The following PCDH9 variants were observed in gnomAD, a reference collection of about 807,000 sequenced individuals.
PCDH9 encodes protocadherin-9.
A neutral mutation model predicts 70.6 loss-of-function variants in PCDH9; 24 were observed. The observed-to-expected ratio is 0.34, with a 90% CI of 0.25 to 0.48. PCDH9 has a LOEUF of 0.48. Among genes scored for constraint, PCDH9 ranks in the 20% least tolerant of loss-of-function variants. The probability of loss-of-function intolerance (pLI) is 0.99; values close to 1 mark genes in which losing one functional copy is unlikely to be tolerated. For synonymous variants in PCDH9, 562 were observed against 558.5 expected (o/e 1.01, Z -0.09); for missense variants, 1,281 against 1,503.6 (o/e 0.85, Z 2.45).
At chr13:67,066,821 A>G (rs2085657823) in intron 2 of PCDH9, among the ~76,000 whole-genome samples, 1 of 152,184 alleles carries the variant, frequency 6.6e-6, no homozygotes, top group Non-Finnish European at 1.5e-5. Flanking sequence ...TTCCTGTATA[A>G]CCAATTCCAG....
intron 4 of PCDH9, among the ~76,000 whole-genome samples, chr13:66,448,612 A>G (rs189526008): frequency 2.0e-4 from 30 of 152,310 alleles, no homozygotes; most frequent in African/African-American, 5.1e-4. Context: ...CAGTTTTGAT[A>G]ATACCACATC....
intron 2 of PCDH9, among the ~76,000 whole-genome samples, chr13:66,994,210 G>A (rs1382159511): frequency 2.6e-5 from 4 of 152,148 alleles, no homozygotes; most frequent in Admixed American, 2.6e-4. Flanking sequence ...GTAACTCCAA[G>A]AGAGAGTGAT....
At chr13:67,035,204 A>T (rs1412291262) in intron 2 of PCDH9, among the ~76,000 whole-genome samples, 1 of 152,162 alleles carries the variant, frequency 6.6e-6, no homozygotes, top group Admixed American at 6.5e-5. Flanking sequence ...AGGCAAGTAA[A>T]TACTGTCCAA....
intron 4 of PCDH9, among the ~76,000 whole-genome samples, chr13:66,592,024 C>T (rs1375008328): frequency 6.6e-6 from 1 of 151,622 alleles, no homozygotes; most frequent in African/African-American, 2.4e-5. Context: ...ATGAATTCTA[C>T]ATCACCCAGA....
At chr13:66,577,013 T>G (rs531550670) in intron 4 of PCDH9, among the ~76,000 whole-genome samples, 1 of 152,096 alleles carries the variant, frequency 6.6e-6, no homozygotes, top group South Asian at 2.1e-4. Flanking sequence ...TATAACTGCT[T>G]GAATAAAAAC....
At chr13:66,623,021 A>C (rs541372711) in intron 4 of PCDH9, among the ~76,000 whole-genome samples, 4 of 152,132 alleles carry the variant, frequency 2.6e-5, no homozygotes, top group Admixed American at 2.6e-4. Flanking sequence ...CTGCAGCTTC[A>C]CTCCTGAAGC....
chr13:66,564,177 T>G (rs925806281), intron 4 of PCDH9, among the ~76,000 whole-genome samples: 3 of 152,152 alleles, frequency 2.0e-5, no homozygotes, highest in Non-Finnish European at 4.4e-5. Flanking sequence ...TTTTGATTTT[T>G]TTTTTAAGAC....
chr13:66,721,120 G>T (rs1234334804), intron 3 of PCDH9, among the ~76,000 whole-genome samples: 2 of 152,132 alleles, frequency 1.3e-5, no homozygotes, highest in African/African-American at 4.8e-5. Context: ...AGTTTCAAGT[G>T]CTTTTAATGA....
intron 4 of PCDH9, among the ~76,000 whole-genome samples, chr13:66,510,630 G>A (rs1050309077): frequency 2.6e-5 from 4 of 152,042 alleles, no homozygotes; most frequent in Admixed American, 6.6e-5. Flanking sequence ...TTGTCCTTGC[G>A]ATAGTTTGCT....
chr13:66,977,987 T>C (rs946992016), intron 2 of PCDH9, among the ~76,000 whole-genome samples: 5 of 152,190 alleles, frequency 3.3e-5, no homozygotes, highest in African/African-American at 1.2e-4. Context: ...CTAAATATTT[T>C]TTCATACCTG....
intron 2 of PCDH9, among the ~76,000 whole-genome samples, chr13:67,140,023 T>TCCCCCC (rs1194534927): frequency 2.8e-5 from 1 of 35,176 alleles, no homozygotes. Flanking sequence ...GATTTTTTGA[T>TCCCCCC]CACCCCCCCC....
chr13:66,328,978 T>G (rs907936893), intron 4 of PCDH9, among the ~76,000 whole-genome samples: 2 of 152,300 alleles, frequency 1.3e-5, no homozygotes, highest in East Asian at 3.9e-4. Flanking sequence ...AAAAATGTCA[T>G]TTTCTAACAG....
intron 2 of PCDH9, among the ~76,000 whole-genome samples, chr13:66,949,051 T>C (rs1450547701): frequency 6.6e-6 from 1 of 152,102 alleles, no homozygotes; most frequent in Non-Finnish European, 1.5e-5. Flanking sequence ...TTTCATTTGA[T>C]AAAACAAGTA....
In PCDH9 at chr13:67,120,600, G is replaced by C. The variant is rs183134516; in HGVS notation, c.3036+104805C>G. Among the ~76,000 whole-genome samples, 375 of 152,028 alleles carry C rather than the reference G, an allele frequency of 2.5e-3. 2 individuals carry two copies. The highest frequency in any genetic ancestry group is 8.5e-3 in the African/African-American group (351 of 41,464). On this transcript the variant is annotated intron_variant, in intron 2 of 4. Transcript: ENST00000377865. ...TCCCCTTCACAACAAATCAATTGCT[G>C]TTTTATTATTGCTTACATATACTTT...
At chr13:66,838,196 C>T (rs896487561) in intron 3 of PCDH9, among the ~76,000 whole-genome samples, 3 of 152,166 alleles carry the variant, frequency 2.0e-5, no homozygotes, top group Non-Finnish European at 2.9e-5. Context: ...CAACTCATTA[C>T]AGTCTAACTG....
At chr13:66,710,258 T>TA in intron 3 of PCDH9, among the ~76,000 whole-genome samples, 1 of 152,162 alleles carries the variant, frequency 6.6e-6, no homozygotes, top group Non-Finnish European at 1.5e-5. Context: ...ATGCCTTCTA[T>TA]TAATTATAAC....
intron 3 of PCDH9, among the ~76,000 whole-genome samples, chr13:66,854,254 T>A (rs982636113): frequency 1.3e-5 from 2 of 152,160 alleles, no homozygotes; most frequent in Non-Finnish European, 2.9e-5. Flanking sequence ...CTTTTCTTTG[T>A]CTGTAAAACA....
chr13:66,812,109 T>G (rs2080519852), intron 3 of PCDH9, among the ~76,000 whole-genome samples: 1 of 152,018 alleles, frequency 6.6e-6, no homozygotes, highest in Non-Finnish European at 1.5e-5. Context: ...GTCCATTGTA[T>G]AATTCTCATG....
At chr13:66,960,088 T>G (rs2139722801) in intron 2 of PCDH9, among the ~76,000 whole-genome samples, 1 of 152,318 alleles carries the variant, frequency 6.6e-6, no homozygotes, top group African/African-American at 2.4e-5. Context: ...GCAAATTGAC[T>G]GACATGCAAG....
Sources: gnomAD v4.1 joint callset for allele counts (sites outside exome capture counted in the v4.1 genomes callset) on GRCh38, gnomAD v4.1.1 for gene constraint, MANE v1.5 for transcripts, NCBI Gene and HGNC (gene_info 2026-07-23, HGNC 2026-07-21) for gene names.